The following BCL2L14 variants were observed in gnomAD, a reference collection of about 807,000 sequenced individuals.
BCL2L14 encodes the protein apoptosis facilitator Bcl-2-like protein 14.
Under a neutral mutation model 35.3 loss-of-function variants are expected in BCL2L14, and 27 were observed. The observed-to-expected ratio is 0.76, with a 90% CI of 0.56 to 1.05. The LOEUF is 1.05. Among genes scored for constraint, BCL2L14 ranks in the 50% least tolerant of loss-of-function variants. The pLI, the probability that BCL2L14 is intolerant of heterozygous loss-of-function variation, is 0.00. For missense variants in BCL2L14, 377 were observed against 382.6 expected (o/e 0.99, Z 0.12); for synonymous variants, 139 against 145.9 (o/e 0.95, Z 0.34).
At chr12:12,078,779 C>T (rs1948839099) in intron 1 of BCL2L14, among the ~76,000 whole-genome samples, 2 of 139,418 alleles carry the variant, frequency 1.4e-5, no homozygotes. Flanking sequence ...TTACTTAGTT[C>T]ATTAGTTCAT....
chr12:12,097,126 G>C (rs2961553), intron 5 of BCL2L14, among the ~76,000 whole-genome samples: 39,151 of 151,848 alleles, frequency 0.26, 5,184 homozygotes, highest in East Asian at 0.37. Context: ...GCCTGGGAGA[G>C]AGAGCGAGAC....
intron 3 of BCL2L14, among the ~76,000 whole-genome samples, chr12:12,088,363 A>C (rs949411650): frequency 9.2e-5 from 14 of 151,868 alleles, no homozygotes; most frequent in Non-Finnish European, 1.9e-4. Context: ...TGGCCACCCC[A>C]CCCTCATCTT....
chr12:12,087,640 G>A (rs1310843023), intron 3 of BCL2L14, among the ~76,000 whole-genome samples: 1 of 152,240 alleles, frequency 6.6e-6, no homozygotes, highest in Non-Finnish European at 1.5e-5. Flanking sequence ...AGGGAGAGGA[G>A]GAAACACAAA....
intron 1 of BCL2L14, chr12:12,072,174 G>A (rs2136730529): frequency 6.6e-6 from 1 of 152,418 alleles, no homozygotes; most frequent in African/African-American, 2.4e-5. Flanking sequence ...GCCTCTGTGT[G>A]TGGAAACACG....
intron 2 of BCL2L14, among the ~76,000 whole-genome samples, chr12:12,081,811 G>A (rs1489699460): frequency 6.6e-6 from 1 of 152,044 alleles, no homozygotes; most frequent in Non-Finnish European, 1.5e-5. Context: ...CCCACCTTGG[G>A]CTCCCGAAGT....
intron 4 of BCL2L14, among the ~76,000 whole-genome samples, chr12:12,091,398 G>T (rs1949185457): frequency 6.6e-6 from 1 of 152,186 alleles, no homozygotes; most frequent in Non-Finnish European, 1.5e-5. Context: ...TTTCCAATCA[G>T]GAACGGGTGA....
At chr12:12,062,545 C>A (rs1355604200) in intron 2 of BCL2L14, among the ~76,000 whole-genome samples, 2 of 151,610 alleles carry the variant, frequency 1.3e-5, no homozygotes, top group African/African-American at 4.9e-5. Flanking sequence ...AGGGATTATT[C>A]AGGTCCCCTC....
intron 2 of BCL2L14, among the ~76,000 whole-genome samples, chr12:12,053,106 T>C (rs1948381210): frequency 6.6e-6 from 1 of 152,318 alleles, no homozygotes; most frequent in South Asian, 2.1e-4. Flanking sequence ...TTCTCTAGCA[T>C]GTGGGTGAGC....
At chr12:12,073,261 C>A (rs7309566) in intron 1 of BCL2L14, among the ~76,000 whole-genome samples, 90 of 152,312 alleles carry the variant, frequency 5.9e-4, no homozygotes, top group African/African-American at 2.0e-3. Context: ...GCTCTTGTGG[C>A]GGAGGCCCCC....
intron 2 of BCL2L14, among the ~76,000 whole-genome samples, chr12:12,060,061 A>G (rs1386101588): frequency 6.6e-6 from 1 of 150,866 alleles, no homozygotes; most frequent in Non-Finnish European, 1.5e-5. Context: ...TTTTCTACAG[A>G]CCCATCTGAC....
At chr12:12,084,334 G>A (rs188935876) in intron 2 of BCL2L14, among the ~76,000 whole-genome samples, 23 of 152,200 alleles carry the variant, frequency 1.5e-4, no homozygotes, top group Non-Finnish European at 1.5e-4. Context: ...CTACTGCAAG[G>A]GAGCCCAGGG....
intron 1 of BCL2L14, among the ~76,000 whole-genome samples, chr12:12,076,284 A>G (rs1948779896): frequency 6.6e-6 from 1 of 152,104 alleles, no homozygotes. Context: ...AGTAAGGAAC[A>G]TGACCTTCGA....
At chr12:12,055,569 C>G (rs1948419261) in intron 2 of BCL2L14, 1 of 152,232 alleles carries the variant, frequency 6.6e-6, no homozygotes, top group Non-Finnish European at 1.5e-5. Context: ...GGCCCTAGGT[C>G]TCCCTACTCT....
At chr12:12,085,449 G>A (rs1591828468) in intron 2 of BCL2L14, among the ~76,000 whole-genome samples, 1 of 152,184 alleles carries the variant, frequency 6.6e-6, no homozygotes, top group African/African-American at 2.4e-5. Flanking sequence ...GAGGCCGGCT[G>A]GGCTGCAATA....
At chr12:12,087,484 G>T in intron 3 of BCL2L14, 98 bp downstream of exon 3, 1 of 1,348,026 alleles carries the variant, frequency 7.4e-7, no homozygotes, top group Admixed American at 2.0e-5. Flanking sequence ...GACAGTCTCC[G>T]CTGCCTGGAC....
chr12:12,094,716 C>T lies in BCL2L14; in HGVS notation c.731C>T (p.Ser244Phe), dbSNP rs1949273946. ...CACTTCCAGGATGGGCTGTCCTACT[C>T]TGTTTTCAAGACCATCACAGACCAG... is the stretch of plus-strand genomic sequence containing the variant. Reference protein sequence around the residue: ...MGHFQDGLSYSVFKTITDQVL... With the variant: ...MGHFQDGLSYFVFKTITDQVL... The change falls in exon 5 of 6, where the codon TCT (serine) becomes TTT (phenylalanine). Residue 244 changes from serine to phenylalanine, a missense_variant. Ser to Phe is a radical substitution (Grantham distance 155, BLOSUM62 -2). Transcript: ENST00000308721. 6.2e-7 allele frequency: 1 copy of T among 1,614,234 alleles called. No homozygotes were observed. The highest frequency in any genetic ancestry group is 1.3e-5 in the African/African-American group (1 of 75,052).
chr12:12,098,814 C>T, intron 5 of BCL2L14, 136 bp from the exon 6 acceptor site: 1 of 715,668 alleles, frequency 1.4e-6, no homozygotes, highest in Non-Finnish European at 2.6e-6. Context: ...AGTCACCTCT[C>T]CAAACCCTCC....
intron 1 of BCL2L14, among the ~76,000 whole-genome samples, chr12:12,078,925 T>C (rs1948844413): frequency 6.6e-6 from 1 of 152,222 alleles, no homozygotes; most frequent in African/African-American, 2.4e-5. Context: ...GCCTCCCAAG[T>C]AGCCGGGTCT....
At chr12:12,087,578 T>A (rs989197370) in intron 3 of BCL2L14, among the ~76,000 whole-genome samples, 192 bp downstream of exon 3, 1 of 152,168 alleles carries the variant, frequency 6.6e-6, no homozygotes, top group Admixed American at 6.5e-5. Context: ...CCCAGCAGGT[T>A]GAAAAAACAT....
Sources: gnomAD v4.1 joint callset for allele counts (sites outside exome capture counted in the v4.1 genomes callset) on GRCh38, gnomAD v4.1.1 for gene constraint, MANE v1.5 for transcripts, NCBI Gene and HGNC (gene_info 2026-07-23, HGNC 2026-07-21) for gene names.